The following RBM47 variants were observed in gnomAD, a reference collection of about 807,000 sequenced individuals.
The protein encoded by RBM47 is RNA-binding protein 47.
A neutral mutation model predicts 47.1 loss-of-function variants in RBM47; 21 were observed. The ratio of observed to expected loss-of-function variants is 0.45; its 90% CI spans 0.32 to 0.64. RBM47 has a LOEUF of 0.64. RBM47 is among the 30% of genes least tolerant of loss of function. The pLI, the probability that RBM47 is intolerant of heterozygous loss-of-function variation, is 0.05. For synonymous variants in RBM47, 375 were observed against 361.7 expected, an observed-to-expected ratio of 1.04 and a Z score of -0.42; for missense variants, 708 against 870.9, an observed-to-expected ratio of 0.81 and a Z score of 2.35.
intron 6 of RBM47, among the ~76,000 whole-genome samples, chr4:40,431,138 C>T (rs3105208): frequency 0.26 from 39,770 of 151,980 alleles, 8,124 homozygotes; most frequent in East Asian, 0.63. Context: ...ATAAGGGATC[C>T]TGGGCCTGAG....
chr4:40,575,685 GT>G (rs1194414670), intron 1 of RBM47, among the ~76,000 whole-genome samples: 1 of 152,108 alleles, frequency 6.6e-6, no homozygotes, highest in Non-Finnish European at 1.5e-5. Flanking sequence ...AAGGGCTACT[GT>G]GTGTCTGAGT....
intron 3 of RBM47, among the ~76,000 whole-genome samples, chr4:40,440,697 T>G (rs564563746): frequency 7.2e-5 from 11 of 152,330 alleles, no homozygotes; most frequent in African/African-American, 2.6e-4. Flanking sequence ...TGTTTGTGAA[T>G]CTCAGCTCTA....
chr4:40,523,993 C>T (rs539999095), intron 2 of RBM47, among the ~76,000 whole-genome samples: 1 of 152,192 alleles, frequency 6.6e-6, no homozygotes, highest in Non-Finnish European at 1.5e-5. Flanking sequence ...ATGTTCCATA[C>T]AATGTTTGGG....
At chr4:40,497,877 G>A (rs1722823266) in intron 2 of RBM47, among the ~76,000 whole-genome samples, 1 of 150,354 alleles carries the variant, frequency 6.7e-6, no homozygotes, top group Non-Finnish European at 1.5e-5. Flanking sequence ...CAGCTACTTG[G>A]AAGGCTGAGG....
At chr4:40,486,714 T>C (rs992723044) in intron 2 of RBM47, among the ~76,000 whole-genome samples, 3 of 152,216 alleles carry the variant, frequency 2.0e-5, no homozygotes, top group Admixed American at 6.5e-5. Flanking sequence ...AGAGGGCACA[T>C]GGATTGAGCA....
At chr4:40,602,174 G>A (rs867642321) in intron 1 of RBM47, among the ~76,000 whole-genome samples, 10 of 149,732 alleles carry the variant, frequency 6.7e-5, no homozygotes, top group South Asian at 4.2e-4. Context: ...AGACTCCATC[G>A]AGAAAAAGAA....
intron 2 of RBM47, among the ~76,000 whole-genome samples, chr4:40,541,173 G>A (rs1336586822): frequency 6.6e-6 from 1 of 151,230 alleles, no homozygotes; most frequent in Non-Finnish European, 1.5e-5. Context: ...GGCTGAGGAG[G>A]GAGAATTGCT....
chr4:40,560,519 G>A (rs548071723), intron 1 of RBM47, among the ~76,000 whole-genome samples: 5 of 152,210 alleles, frequency 3.3e-5, no homozygotes, highest in South Asian at 2.1e-4. Context: ...CCCTGCTCCC[G>A]GCAGTGCCAG....
At chr4:40,539,950 A>C (rs1246589712) in intron 2 of RBM47, among the ~76,000 whole-genome samples, 1 of 152,120 alleles carries the variant, frequency 6.6e-6, no homozygotes, top group African/African-American at 2.4e-5. Context: ...TTGCATTTTC[A>C]ACTTGTGAGT....
intron 1 of RBM47, among the ~76,000 whole-genome samples, chr4:40,596,402 T>C (rs28502116): frequency 0.025 from 3,793 of 152,268 alleles, 139 homozygotes; most frequent in East Asian, 0.1. Flanking sequence ...TACCTATATA[T>C]TGCTCTTTCT....
At chr4:40,609,092 A>T (rs894512815) in intron 1 of RBM47, among the ~76,000 whole-genome samples, 3 of 152,110 alleles carry the variant, frequency 2.0e-5, no homozygotes, top group Non-Finnish European at 2.9e-5. Flanking sequence ...TACCGGGTTC[A>T]AGTGATTCTC....
chr4:40,527,872 C>T (rs1475663718), intron 2 of RBM47, among the ~76,000 whole-genome samples: 1 of 152,016 alleles, frequency 6.6e-6, no homozygotes, highest in African/African-American at 2.4e-5. Flanking sequence ...CAACTGTTTA[C>T]CCTTGAGGAA....
At chr4:40,596,896 T>C (rs1048904846) in intron 1 of RBM47, among the ~76,000 whole-genome samples, 1 of 152,144 alleles carries the variant, frequency 6.6e-6, no homozygotes, top group Non-Finnish European at 1.5e-5. Flanking sequence ...GATACAGAGG[T>C]GTTTGTTGTA....
chr4:40,518,866 C>T (rs1033990113), intron 2 of RBM47, among the ~76,000 whole-genome samples: 2 of 151,960 alleles, frequency 1.3e-5, no homozygotes, highest in African/African-American at 2.4e-5. Context: ...TCAAAGCCAT[C>T]CTGGACATGC....
intron 3 of RBM47, among the ~76,000 whole-genome samples, chr4:40,442,687 C>CT (rs1032924911): frequency 1.3e-5 from 2 of 150,878 alleles, no homozygotes; most frequent in African/African-American, 2.4e-5. Flanking sequence ...TTTTCTTTTG[C>CT]TTTTTTTTTA....
At chr4:40,527,538 G>A (rs977591167) in intron 2 of RBM47, among the ~76,000 whole-genome samples, 9 of 134,330 alleles carry the variant, frequency 6.7e-5, no homozygotes, top group East Asian at 2.3e-4. Flanking sequence ...TCATCCACCC[G>A]CCTTGGACTC....
At chr4:40,583,521 T>C (rs1447602902) in intron 1 of RBM47, among the ~76,000 whole-genome samples, 1 of 151,042 alleles carries the variant, frequency 6.6e-6, no homozygotes, top group African/African-American at 2.4e-5. Flanking sequence ...GGCAATGTAG[T>C]GAGACCCTGC....
At chr4:40,450,372 TC>T (rs1440009534) in intron 3 of RBM47, among the ~76,000 whole-genome samples, 1 of 151,948 alleles carries the variant, frequency 6.6e-6, no homozygotes, top group African/African-American at 2.4e-5. Context: ...GGCGGCCTGA[TC>T]ACCTGAGTTG....
intron 2 of RBM47, among the ~76,000 whole-genome samples, chr4:40,539,973 A>G (rs1246553827): frequency 6.6e-6 from 1 of 151,986 alleles, no homozygotes; most frequent in African/African-American, 2.4e-5. Flanking sequence ...AATAATATCT[A>G]CCTCTTAATT....
Sources: gnomAD v4.1 joint callset for allele counts (sites outside exome capture counted in the v4.1 genomes callset) on GRCh38, gnomAD v4.1.1 for gene constraint, MANE v1.5 for transcripts, NCBI Gene and HGNC (gene_info 2026-07-23, HGNC 2026-07-21) for gene names.